RGS7: variants seen among roughly 807,000 people sequenced by gnomAD.
The protein encoded by RGS7 is regulator of G-protein signaling 7.
A neutral mutation model predicts 81.1 loss-of-function variants in RGS7; 27 were observed. The observed-to-expected ratio is 0.33, with a 90% CI of 0.25 to 0.46. The LOEUF (loss-of-function observed/expected upper bound fraction) is 0.46. Among genes scored for constraint, RGS7 ranks in the 20% least tolerant of loss-of-function variants. RGS7 has a pLI of 1.00. For missense variants in RGS7, 396 were observed against 607.4 expected, an observed-to-expected ratio of 0.65 and a Z score of 3.66; for synonymous variants, 208 against 207.7, an observed-to-expected ratio of 1.00 and a Z score of -0.01.
At chr1:240,798,236 C>T (rs956302053) in intron 18 of RGS7, among the ~76,000 whole-genome samples, 41 of 152,084 alleles carry the variant, frequency 2.7e-4, no homozygotes, top group Non-Finnish European at 1.5e-4. Flanking sequence ...CAATGCAATC[C>T]TCAGCTGTTT....
intron 14 of RGS7, among the ~76,000 whole-genome samples, chr1:240,806,654 G>A (rs1353273137): frequency 2.0e-5 from 3 of 151,882 alleles, no homozygotes; most frequent in African/African-American, 4.8e-5. Context: ...TCAGAGCCCC[G>A]TATAACACTG....
intron 6 of RGS7, among the ~76,000 whole-genome samples, chr1:240,895,862 C>T (rs779207863): frequency 1.1e-4 from 16 of 152,316 alleles, no homozygotes; most frequent in South Asian, 4.1e-4. Flanking sequence ...GGAATCACTG[C>T]GCTGTCTTCC....
chr1:241,274,457 C>T (rs2078085738), intron 2 of RGS7, among the ~76,000 whole-genome samples: 1 of 152,136 alleles, frequency 6.6e-6, no homozygotes, highest in Admixed American at 6.5e-5. Context: ...AGTAATGCTG[C>T]CACTCTAACA....
chr1:240,824,508 C>T (rs1278494362), intron 10 of RGS7, among the ~76,000 whole-genome samples: 1 of 152,248 alleles, frequency 6.6e-6, no homozygotes, highest in African/African-American at 2.4e-5. Flanking sequence ...TGGCTGGCCT[C>T]TGCCATTTCT....
chr1:240,884,988 T>C (rs1484905637), intron 6 of RGS7, among the ~76,000 whole-genome samples: 1 of 152,172 alleles, frequency 6.6e-6, no homozygotes, highest in African/African-American at 2.4e-5. Context: ...TAGGAGAAAA[T>C]ATTTGCAAAC....
At chr1:241,162,288 G>A (rs2069783763) in intron 2 of RGS7, among the ~76,000 whole-genome samples, 1 of 145,774 alleles carries the variant, frequency 6.9e-6, no homozygotes, top group Non-Finnish European at 1.5e-5. Context: ...GCAAAATGGC[G>A]GCGTTTAACT....
chr1:241,349,098 A>G (rs2083081397), intron 2 of RGS7, among the ~76,000 whole-genome samples: 1 of 152,218 alleles, frequency 6.6e-6, no homozygotes, highest in Non-Finnish European at 1.5e-5. Flanking sequence ...AGGCTATCCC[A>G]TTCTAGCATC....
At chr1:240,866,936 C>T (rs10495477) in intron 9 of RGS7, among the ~76,000 whole-genome samples, 5,225 of 152,114 alleles carry the variant, frequency 0.034, 267 homozygotes, top group African/African-American at 0.12. Flanking sequence ...TAGAGATGAG[C>T]CACCAGATGT....
In RGS7 at chr1:240,979,367, G is replaced by A. The variant is rs115131010; in HGVS notation, c.226+3712C>T. The stretch of plus-strand genomic sequence containing the variant: ...AATAATAACACATAATAAAATAACC[G>A]AAATAAGCTTAGTAAGAAAAGTGCA... On this transcript the variant is annotated intron_variant, in intron 4 of 18. Transcript: ENST00000440928. Among the ~76,000 whole-genome samples the A allele has an allele frequency of 9.7e-3, 1,470 of 152,092 alleles. 25 individuals carry two copies. The highest frequency in any genetic ancestry group is 0.034 in the African/African-American group (1,393 of 41,482).
intron 3 of RGS7, among the ~76,000 whole-genome samples, chr1:241,030,770 C>A (rs905100162): frequency 1.8e-4 from 28 of 152,056 alleles, no homozygotes; most frequent in African/African-American, 6.8e-4. Flanking sequence ...TGTATAGCAG[C>A]TGAAGTAATC....
chr1:240,960,217 C>CTTCTTTTTTTTTTTTTTTTT lies in RGS7; in HGVS notation c.226+22861_226+22862insAAAAAAAAAAAAAAAAAGAA, dbSNP rs60911948. On this transcript the variant is annotated intron_variant, in intron 4 of 18. Transcript: ENST00000440928. Reference sequence around the variant, plus strand: ...TTTTCTTCTTCTTCCTCTTCTTCTTCTTTTTTTTTTTTTTTTTGTTGTTGT... The same window carrying CTTCTTTTTTTTTTTTTTTTT: ...TTTTCTTCTTCTTCCTCTTCTTCTTCTTCTTTTTTTTTTTTTTTTTTTTTTTTTTTTTTTTTTGTTGTTGT... 3.9e-3 allele frequency among the ~76,000 whole-genome samples: 35 copies of CTTCTTTTTTTTTTTTTTTTT among 8,960 alleles called. 2 individuals are homozygous for CTTCTTTTTTTTTTTTTTTTT. Among genetic ancestry groups the CTTCTTTTTTTTTTTTTTTTT allele is most frequent in the East Asian group, 6.4e-3 (1 of 156 alleles). The allele number at this position is 8,960 out of a possible 152,430, so 5.9% of individuals were successfully genotyped here. A position where few individuals can be genotyped will look rare whatever the true frequency, so the allele number is the denominator to read the frequency against.
chr1:241,127,941 C>G (rs1036094584), intron 2 of RGS7, among the ~76,000 whole-genome samples: 2 of 152,102 alleles, frequency 1.3e-5, no homozygotes, highest in African/African-American at 4.8e-5. Flanking sequence ...AGTACAGTTG[C>G]ATAGATTTGA....
intron 2 of RGS7, among the ~76,000 whole-genome samples, chr1:241,270,284 G>T (rs1229369754): frequency 1.3e-5 from 2 of 152,086 alleles, no homozygotes; most frequent in African/African-American, 2.4e-5. Context: ...GGGGCTCTCG[G>T]TCTAGGATAC....
chr1:240,811,485 A>C (rs16840738), intron 14 of RGS7, among the ~76,000 whole-genome samples: 69,971 of 152,160 alleles, frequency 0.46, 18,083 homozygotes, highest in Non-Finnish European at 0.58. Context: ...TTTGGTTTCA[A>C]GTTATTTGAT....
intron 18 of RGS7, among the ~76,000 whole-genome samples, chr1:240,783,656 C>T (rs1684510225): frequency 1.3e-5 from 2 of 151,380 alleles, no homozygotes; most frequent in South Asian, 2.1e-4. Flanking sequence ...AAAAAAAAAT[C>T]GTTCTTGGTC....
chr1:241,348,335 G>A (rs973949025), intron 2 of RGS7, among the ~76,000 whole-genome samples: 9 of 152,228 alleles, frequency 5.9e-5, no homozygotes, highest in South Asian at 2.1e-4. Flanking sequence ...CAATCTTATC[G>A]TTCCTGGGGT....
intron 2 of RGS7, among the ~76,000 whole-genome samples, chr1:241,162,107 C>T (rs1296454221): frequency 6.6e-6 from 1 of 151,948 alleles, no homozygotes; most frequent in Non-Finnish European, 1.5e-5. Context: ...CAGCTGACCA[C>T]TAGGTAATGG....
chr1:241,247,653 G>C (rs572577765), intron 2 of RGS7, among the ~76,000 whole-genome samples: 4 of 152,050 alleles, frequency 2.6e-5, no homozygotes, highest in African/African-American at 7.2e-5. Context: ...ATGCAGATTG[G>C]ATTTAACTAG....
intron 6 of RGS7, among the ~76,000 whole-genome samples, chr1:240,889,807 A>T (rs549927692): frequency 6.6e-6 from 1 of 152,024 alleles, no homozygotes; most frequent in Non-Finnish European, 1.5e-5. Context: ...CCAGCACAGA[A>T]CATCCCTGAG....
Sources: gnomAD v4.1 joint callset for allele counts (sites outside exome capture counted in the v4.1 genomes callset) on GRCh38, gnomAD v4.1.1 for gene constraint, MANE v1.5 for transcripts, NCBI Gene and HGNC (gene_info 2026-07-23, HGNC 2026-07-21) for gene names.